RANBP2: variants seen among roughly 807,000 people sequenced by gnomAD.
RANBP2 encodes E3 SUMO-protein ligase RanBP2.
In RANBP2, 57 loss-of-function variants were observed where a neutral mutation model predicts 303.6. The observed-to-expected ratio is 0.19, with a 90% CI of 0.15 to 0.23. The LOEUF (loss-of-function observed/expected upper bound fraction) is 0.23. RANBP2 is among the 10% of genes least tolerant of loss of function. The pLI is 1.00. For synonymous variants in RANBP2, 1,167 were observed against 1,301.5 expected (o/e 0.90, Z 2.23); for missense variants, 3,138 against 3,780.8 (o/e 0.83, Z 4.46).
At chr2:109,022,148 T>C in the RANBP2 span, among the ~76,000 whole-genome samples, 1 of 152,238 alleles carries the variant, frequency 6.6e-6, no homozygotes, top group Non-Finnish European at 1.5e-5. Flanking sequence ...CCTACTGCCC[T>C]TTAGCCTGTA....
the RANBP2 span, among the ~76,000 whole-genome samples, chr2:109,341,936 A>G: frequency 6.6e-6 from 1 of 152,134 alleles, no homozygotes; most frequent in Non-Finnish European, 1.5e-5. Context: ...CAAAAGAAGC[A>G]GAAAGTGGGT....
At chr2:108,852,253 A>C in the RANBP2 span, among the ~76,000 whole-genome samples, 1 of 152,242 alleles carries the variant, frequency 6.6e-6, no homozygotes, top group Non-Finnish European at 1.5e-5. Context: ...TTTAACTGTA[A>C]GATACAACTC....
chr2:109,040,882 C>T, the RANBP2 span, among the ~76,000 whole-genome samples: 1 of 151,962 alleles, frequency 6.6e-6, no homozygotes, highest in East Asian at 1.9e-4. Context: ...AGTGAAACCC[C>T]GTATCTACTA....
chr2:108,802,927 T>G, the RANBP2 span, among the ~76,000 whole-genome samples: 2 of 152,200 alleles, frequency 1.3e-5, no homozygotes, highest in African/African-American at 4.8e-5. Context: ...TATGCTGGAT[T>G]ACATTTATTG....
the RANBP2 span, among the ~76,000 whole-genome samples, chr2:108,942,322 G>C: frequency 2.6e-5 from 4 of 152,178 alleles, no homozygotes; most frequent in African/African-American, 7.2e-5. Flanking sequence ...CTCAACTTTC[G>C]ACACTTCTAC....
chr2:109,331,377 T>C, the RANBP2 span, among the ~76,000 whole-genome samples: 1 of 152,040 alleles, frequency 6.6e-6, no homozygotes, highest in Non-Finnish European at 1.5e-5. Context: ...CTTCTCTCTC[T>C]CCCCTTGTTT....
At chr2:109,499,064 C>T in the RANBP2 span, among the ~76,000 whole-genome samples, 3 of 152,116 alleles carry the variant, frequency 2.0e-5, no homozygotes, top group African/African-American at 4.8e-5. Flanking sequence ...AGCCTTTGCC[C>T]AAAAGGAGCC....
At chr2:109,197,861 T>C in the RANBP2 span, among the ~76,000 whole-genome samples, 4 of 152,244 alleles carry the variant, frequency 2.6e-5, no homozygotes, top group Non-Finnish European at 5.9e-5. Context: ...GCCTTACTTT[T>C]GCTTTTTGCA....
At chr2:109,201,301 C>T in the RANBP2 span, among the ~76,000 whole-genome samples, 4 of 152,208 alleles carry the variant, frequency 2.6e-5, no homozygotes, top group East Asian at 7.7e-4. Context: ...AGACCCCAGC[C>T]CCACTCTCCC....
the RANBP2 span, among the ~76,000 whole-genome samples, chr2:109,294,980 C>A: frequency 6.6e-6 from 1 of 152,252 alleles, no homozygotes; most frequent in African/African-American, 2.4e-5. Flanking sequence ...ATTCAGGGCT[C>A]ATGGTAGCCA....
At chr2:108,828,668 T>C in the RANBP2 span, among the ~76,000 whole-genome samples, 1 of 152,296 alleles carries the variant, frequency 6.6e-6, no homozygotes, top group East Asian at 1.9e-4. Flanking sequence ...GTATGAGCCT[T>C]ACCTTATACG....
At chr2:109,595,954 T>C in the RANBP2 span, among the ~76,000 whole-genome samples, 2 of 152,244 alleles carry the variant, frequency 1.3e-5, no homozygotes, top group African/African-American at 4.8e-5. Flanking sequence ...CATCTGTGTC[T>C]ACTATAAGTG....
At chr2:109,608,513 C>G in the RANBP2 span, among the ~76,000 whole-genome samples, 1 of 152,166 alleles carries the variant, frequency 6.6e-6, no homozygotes, top group Non-Finnish European at 1.5e-5. Context: ...GTTCCTTGGT[C>G]ATATGATCTT....
At chr2:109,335,419 G>A in the RANBP2 span, among the ~76,000 whole-genome samples, 2 of 152,226 alleles carry the variant, frequency 1.3e-5, no homozygotes, top group Non-Finnish European at 2.9e-5. Context: ...TGGGAAGCCC[G>A]TACCTCTTCC....
chr2:109,323,471 C>T, the RANBP2 span, among the ~76,000 whole-genome samples: 1 of 152,236 alleles, frequency 6.6e-6, no homozygotes, highest in African/African-American at 2.4e-5. Flanking sequence ...AAACAACCAA[C>T]CCAAGTGCAT....
chr2:109,155,567 C>T, the RANBP2 span, among the ~76,000 whole-genome samples: 1 of 152,190 alleles, frequency 6.6e-6, no homozygotes, highest in South Asian at 2.1e-4. Flanking sequence ...TCCCAAAGTG[C>T]TGGGATTACA....
chr2:109,488,720 C>A, the RANBP2 span, among the ~76,000 whole-genome samples: 1 of 152,196 alleles, frequency 6.6e-6, no homozygotes, highest in Non-Finnish European at 1.5e-5. Flanking sequence ...TCGGGAAACA[C>A]CACACTTTGA....
chr2:109,245,316 T>C, the RANBP2 span, among the ~76,000 whole-genome samples: 2 of 152,080 alleles, frequency 1.3e-5, no homozygotes, highest in South Asian at 4.2e-4. Flanking sequence ...ATGCCTGTGG[T>C]CATTCCCTCT....
the RANBP2 span, among the ~76,000 whole-genome samples, chr2:109,733,994 T>C: frequency 6.6e-6 from 1 of 151,762 alleles, no homozygotes; most frequent in Admixed American, 6.6e-5. Flanking sequence ...GCCTGGCCAA[T>C]ATGGCGAAAA....
Sources: allele counts gnomAD v4.1 joint callset (sites outside exome capture counted in the v4.1 genomes callset), GRCh38; gene constraint gnomAD v4.1.1; transcripts MANE v1.5; gene names NCBI Gene and HGNC (gene_info 2026-07-23, HGNC 2026-07-21).